The following ZNF124 variants were observed in gnomAD, a reference collection of about 807,000 sequenced individuals.
ZNF124 encodes the protein zinc finger protein HZF-16.
Under a neutral mutation model 26.6 loss-of-function variants are expected in ZNF124, and 25 were observed. The ratio of observed to expected loss-of-function variants is 0.94; its 90% CI spans 0.68 to 1.31. The LOEUF is 1.31. Among genes scored for constraint, ZNF124 ranks in the 40% most tolerant of loss-of-function variants. ZNF124 has a pLI of 0.00. For synonymous variants in ZNF124, 129 were observed against 133.3 expected, an observed-to-expected ratio of 0.97 and a Z score of 0.22; for missense variants, 444 against 422.2, an observed-to-expected ratio of 1.05 and a Z score of -0.45.
chr1:247,156,964 A>G lies in ZNF124; in HGVS notation c.658T>C (p.Cys220Arg). Residue 220 changes from cysteine (C) to arginine (R), a missense_variant, in exon 4 of 4, where the codon TGC becomes CGC. Physicochemically the swap from Cys to Arg is radical, Grantham distance 180 (BLOSUM62 -3). Coordinates refer to ENST00000543802, the MANE Select transcript of ZNF124 (RefSeq NM_001297568.2). ...TGAGTTCTTTCATGGTAATGAAGGC[A>G]ATTGGAGTAACGGAAGGCTTTCCCA... is the stretch of plus-strand genomic sequence containing the variant. ...HCGKAFRYSNCLHYHERTHTG... is the reference protein window; with the variant it reads ...HCGKAFRYSNRLHYHERTHTG... 6.2e-7 allele frequency: 1 copy of G among 1,612,794 alleles called. No homozygotes were observed. The highest frequency in any genetic ancestry group is 8.5e-7 in the Non-Finnish European group (1 of 1,179,378).
At chr1:247,144,495 C>T (rs1470198247) in intron 3 of ZNF124, among the ~76,000 whole-genome samples, 1 of 151,398 alleles carries the variant, frequency 6.6e-6, no homozygotes, top group Non-Finnish European at 1.5e-5. Flanking sequence ...AGCTTGCTAC[C>T]GAGCCCCTGT....
chr1:247,147,165 G>GTTT (rs112821147), intron 3 of ZNF124, among the ~76,000 whole-genome samples: 2 of 136,590 alleles, frequency 1.5e-5, no homozygotes, highest in Non-Finnish European at 1.6e-5. Context: ...GTTTTAGCAA[G>GTTT]TTTTTTTTTT....
chr1:247,156,424 AG>A lies in ZNF124; in HGVS notation c.*141del. 7.5e-7 allele frequency: 1 copy of A among 1,332,378 alleles called. No homozygotes were observed. The highest frequency in any genetic ancestry group is 9.6e-7 in the Non-Finnish European group (1 of 1,042,846). The allele number at this position is 1,332,378 out of a possible 1,614,324, so 82.5% of individuals were successfully genotyped here. A position where few individuals can be genotyped will look rare whatever the true frequency, so the allele number is the denominator to read the frequency against. ...GCTTTACCTTATTGCTTATAGTCAT[AG>A]GGTTTATCTCCAGTTTGATTCGTTT... On this transcript the variant is annotated 3_prime_UTR_variant, in exon 4 of 4. Transcript: ENST00000543802.
At position 247,156,039 on chromosome 1, in the gene ZNF124, A is replaced by G. The variant is rs969837932; in HGVS notation, c.*527T>C. The G allele has an allele frequency of 2.1e-5, 20 of 964,046 alleles. No individual in the cohort carries two copies. In the African/African-American group the frequency reaches 3.2e-4, roughly 15 times the overall value. The allele number at this position is 964,046 out of a possible 1,614,324, so 59.7% of individuals were successfully genotyped here. A position where few individuals can be genotyped will look rare whatever the true frequency, so the allele number is the denominator to read the frequency against. On this transcript the variant is annotated 3_prime_UTR_variant, in exon 4 of 4. Coordinates refer to ENST00000543802, the MANE Select transcript of ZNF124 (RefSeq NM_001297568.2). ...AATTGTACTATAATTATTTTCCATA[A>G]GGTTTTCCATAATATTTACATTTAC...
At chr1:247,153,007 C>T (rs1366875324), downstream of ZNF124, among the ~76,000 whole-genome samples, 3 of 152,062 alleles carry the variant, frequency 2.0e-5, no homozygotes, top group Non-Finnish European at 2.9e-5. Context: ...CTGACGGGCA[C>T]CTGTAGTTCC....
At chr1:247,134,811 C>T (rs1672445779) in intron 3 of ZNF124, among the ~76,000 whole-genome samples, 1 of 152,196 alleles carries the variant, frequency 6.6e-6, no homozygotes, top group Admixed American at 6.5e-5. Context: ...CTTCTCAGTG[C>T]CACATGGCAC....
chr1:247,141,654 T>G (rs911809372), intron 3 of ZNF124, among the ~76,000 whole-genome samples: 1 of 151,962 alleles, frequency 6.6e-6, no homozygotes, highest in Admixed American at 6.6e-5. Context: ...CCACTACTGG[T>G]GGGTATGCTC....
chr1:247,157,927 T>C (rs554540796), intron 3 of ZNF124, among the ~76,000 whole-genome samples: 3 of 150,846 alleles, frequency 2.0e-5, no homozygotes, highest in African/African-American at 7.4e-5. Flanking sequence ...CTCGCTCTAT[T>C]AGTTCCTGAA....
downstream of ZNF124, among the ~76,000 whole-genome samples, chr1:247,152,305 CAA>C (rs5782414): frequency 6.7e-6 from 1 of 148,858 alleles, no homozygotes; most frequent in Non-Finnish European, 1.5e-5. Flanking sequence ...AAAAATAAAA[CAA>C]AATATAAATA....
At chr1:247,134,635 A>T (rs1672442209) in intron 3 of ZNF124, among the ~76,000 whole-genome samples, 2 of 152,242 alleles carry the variant, frequency 1.3e-5, no homozygotes, top group African/African-American at 4.8e-5. Flanking sequence ...AAAGGGAATT[A>T]CACTCCTGTG....
rs1673890376 is a variant in ZNF124 at position 247,168,228 on chromosome 1, C to T, written c.30+3620G>A. 6.6e-6 allele frequency among the ~76,000 whole-genome samples: 1 copy of T among 152,108 alleles called. No homozygotes were observed. Among genetic ancestry groups the T allele is most frequent in the Non-Finnish European group, 1.5e-5 (1 of 67,998 alleles). On this transcript the variant is annotated intron_variant, in intron 1 of 3. Transcript: ENST00000543802. The surrounding 1 kb of genome is among the most constrained non-coding windows in gnomAD (Gnocchi z 4.0). ...GGTATGTACCCAAAGGAAAAGAAGT[C>T]ATTATATGAAAAAAACACGGCTGGG...
At chr1:247,128,618 A>T (rs193157685) in intron 3 of ZNF124, among the ~76,000 whole-genome samples, 176 of 151,022 alleles carry the variant, frequency 1.2e-3, no homozygotes, top group African/African-American at 4.2e-3. Flanking sequence ...ACTAGGACTT[A>T]GATTTTTTTT....
At chr1:247,134,370 C>T (rs1214749064) in intron 3 of ZNF124, among the ~76,000 whole-genome samples, 1 of 151,968 alleles carries the variant, frequency 6.6e-6, no homozygotes, top group East Asian at 1.9e-4. Flanking sequence ...ATCTTATGTG[C>T]AAAGACACAC....
intron 3 of ZNF124, among the ~76,000 whole-genome samples, chr1:247,125,056 G>A (rs565650466): frequency 6.6e-5 from 10 of 152,120 alleles, no homozygotes; most frequent in East Asian, 1.9e-4. Context: ...ACCTGCCTAC[G>A]CCTCCCAAAG....
At chr1:247,123,277 A>G (rs1478598900) in exon 4 of ZNF124, 1 of 152,098 alleles carries the variant, frequency 6.6e-6, no homozygotes, top group Non-Finnish European at 1.5e-5. Flanking sequence ...GCTCACTGCA[A>G]TCTCCGCCTC....
intron 3 of ZNF124, among the ~76,000 whole-genome samples, chr1:247,146,897 CG>C (rs575189153): frequency 6.6e-6 from 1 of 152,024 alleles, no homozygotes; most frequent in African/African-American, 2.4e-5. Flanking sequence ...GAACAGGTAC[CG>C]GGGGGTAGCT....
intron 1 of ZNF124, among the ~76,000 whole-genome samples, chr1:247,165,561 T>G (rs2103133805): frequency 6.6e-6 from 1 of 152,184 alleles, no homozygotes; most frequent in East Asian, 1.9e-4. Flanking sequence ...AGTTGACAAA[T>G]GGGACATAAT....
chr1:247,162,978 T>G (rs1673570952), intron 1 of ZNF124, among the ~76,000 whole-genome samples: 1 of 152,072 alleles, frequency 6.6e-6, no homozygotes, highest in African/African-American at 2.4e-5. Context: ...AACAACAGAA[T>G]ATACATTCTT....
At chr1:247,145,701 A>T (rs897945949) in intron 3 of ZNF124, among the ~76,000 whole-genome samples, 6 of 151,010 alleles carry the variant, frequency 4.0e-5, no homozygotes, top group South Asian at 2.1e-4. Flanking sequence ...CATTCTCGGC[A>T]CAGTGCAACC....
Sources: gnomAD v4.1 joint callset for allele counts (sites outside exome capture counted in the v4.1 genomes callset) on GRCh38, gnomAD v4.1.1 for gene constraint, Gnocchi (gnomAD v3.1) non-coding constraint, MANE v1.5 for transcripts, NCBI Gene and HGNC (gene_info 2026-07-23, HGNC 2026-07-21) for gene names.